The following DPF3 variants were observed in gnomAD, a reference collection of about 807,000 sequenced individuals.
The protein encoded by DPF3 is double PHD fingers 3, also known as zinc finger protein DPF3.
In DPF3, 18 loss-of-function variants were observed where a neutral mutation model predicts 56.8. The ratio of observed to expected loss-of-function variants is 0.32; its 90% CI spans 0.22 to 0.47. The LOEUF (loss-of-function observed/expected upper bound fraction) is 0.47. Ranked by LOEUF, DPF3 falls within the 20% of genes least tolerant of loss-of-function variation. The pLI is 1.00. For synonymous variants in DPF3, 188 were observed against 180.2 expected, an observed-to-expected ratio of 1.04 and a Z score of -0.35; for missense variants, 403 against 488.8, an observed-to-expected ratio of 0.82 and a Z score of 1.65.
At chr14:72,883,647 G>A (rs1181142189) in intron 1 of DPF3, among the ~76,000 whole-genome samples, 1 of 152,100 alleles carries the variant, frequency 6.6e-6, no homozygotes, top group Non-Finnish European at 1.5e-5. Flanking sequence ...AAAGAATCTG[G>A]CCTGGCATGG....
intron 1 of DPF3, among the ~76,000 whole-genome samples, chr14:72,824,210 G>A (rs549476957): frequency 6.6e-6 from 1 of 152,316 alleles, no homozygotes; most frequent in South Asian, 2.1e-4. Context: ...TCTGCCCCAA[G>A]CCCAGCCCCA....
intron 1 of DPF3, among the ~76,000 whole-genome samples, chr14:72,801,548 G>A (rs996930091): frequency 7.9e-5 from 12 of 152,102 alleles, no homozygotes; most frequent in African/African-American, 1.4e-4. Flanking sequence ...ACTGCATATC[G>A]TTCATGCCCC....
At chr14:72,892,358 G>GAA (rs1284228592) in intron 1 of DPF3, 1 of 1,533,094 alleles carries the variant, frequency 6.5e-7, no homozygotes, top group Non-Finnish European at 8.7e-7. Context: ...TTTCTTGGGT[G>GAA]AAACGCTGTG....
intron 6 of DPF3, among the ~76,000 whole-genome samples, chr14:72,703,817 G>T (rs924051368): frequency 2.0e-5 from 3 of 152,162 alleles, no homozygotes; most frequent in Admixed American, 1.3e-4. Flanking sequence ...AGCTATTTTT[G>T]ATCATTCATT....
rs1200788266 is a variant in DPF3, at chr14:72,693,102, G to C, written c.716C>G (p.Pro239Arg). Residue 239 changes from proline to arginine, a missense_variant, in exon 7 of 11, where the codon CCC (proline) becomes CGC (arginine). Coordinates refer to ENST00000556509, the MANE Select transcript of DPF3 (RefSeq NM_001280542.3). ...CCTGTGGTTCTCATTTCTGTGGTTG[G>C]GTGGGGACCGAGTCTCCTGGTCTTG... ...EAQDQETRSP[P>R]NHRNENHRPQ... 1.9e-6 allele frequency: 3 copies of C among 1,613,884 alleles called. No individual in the cohort carries two copies. Among genetic ancestry groups the C allele is most frequent in the Non-Finnish European group, 2.5e-6 (3 of 1,179,912 alleles).
intron 1 of DPF3, among the ~76,000 whole-genome samples, chr14:72,791,944 G>A (rs1892452022): frequency 6.6e-6 from 1 of 152,172 alleles, no homozygotes; most frequent in Non-Finnish European, 1.5e-5. Context: ...ACCCATGGCT[G>A]GGAGGAGATC....
At chr14:72,881,948 A>AG (rs111282039) in intron 1 of DPF3, among the ~76,000 whole-genome samples, 1 of 152,230 alleles carries the variant, frequency 6.6e-6, no homozygotes, top group South Asian at 2.1e-4. Context: ...GGGTAAGTGA[A>AG]GGGGGGGAAG....
chr14:72,739,517 C>CA (rs1428073319), intron 3 of DPF3, among the ~76,000 whole-genome samples: 7 of 152,170 alleles, frequency 4.6e-5, no homozygotes, highest in East Asian at 3.9e-4. Context: ...TGCTTTTCAG[C>CA]AAAAAAACCC....
chr14:72,795,293 A>ATATATATATATAT (rs1317667797), intron 1 of DPF3, among the ~76,000 whole-genome samples: 3 of 108,010 alleles, frequency 2.8e-5, no homozygotes, highest in Non-Finnish European at 3.9e-5. Flanking sequence ...AAAAAAAAAA[A>ATATATATATATAT]AAATATATAT....
At chr14:72,760,699 G>A (rs1891034872) in intron 2 of DPF3, among the ~76,000 whole-genome samples, 1 of 151,846 alleles carries the variant, frequency 6.6e-6, no homozygotes, top group Non-Finnish European at 1.5e-5. Flanking sequence ...CAAAACAAGA[G>A]TTATAGTTAA....
At chr14:72,723,556 T>G in intron 5 of DPF3, 77 bp downstream of exon 5, 2 of 1,200,166 alleles carry the variant, frequency 1.7e-6, no homozygotes, top group South Asian at 3.0e-5. Flanking sequence ...TCCATCTAGC[T>G]GCAGTGGAGA....
At position 72,729,501 on chromosome 14, in the gene DPF3, G is replaced by A. The variant is rs182652705; in HGVS notation, c.429+2306C>T. 1.5e-3 allele frequency among the ~76,000 whole-genome samples: 222 copies of A among 152,194 alleles called. 1 individual carries two copies. Among genetic ancestry groups the A allele is most frequent in the South Asian group, 7.9e-3 (38 of 4,808 alleles). On this transcript the variant is annotated intron_variant, in intron 4 of 10. Transcript: ENST00000556509. ...ACTCTCAGATAGCAGGGGCGGTAGC[G>A]GGTTCTGAGCACAGAAATGATAAGA...
At chr14:72,887,467 C>T (rs897749796) in intron 1 of DPF3, among the ~76,000 whole-genome samples, 1 of 152,144 alleles carries the variant, frequency 6.6e-6, no homozygotes, top group Admixed American at 6.6e-5. Context: ...GAAGGGAGCA[C>T]CATGTAGCAA....
intron 1 of DPF3, chr14:72,879,721 A>G: frequency 5.6e-6 from 8 of 1,440,632 alleles, no homozygotes; most frequent in Non-Finnish European, 7.3e-6. Flanking sequence ...AATGTGTGAC[A>G]AGAGTCGTCT....
At chr14:72,711,188 A>G (rs1888638810) in intron 6 of DPF3, among the ~76,000 whole-genome samples, 1 of 152,256 alleles carries the variant, frequency 6.6e-6, no homozygotes. Context: ...ATTTTCATAA[A>G]TAACTTGAAA....
Position 72,638,819 on chromosome 14 carries a change from A to ATTTTT in DPF3, c.872-9088_872-9084dup, listed in dbSNP as rs71109742. 2.1e-3 allele frequency among the ~76,000 whole-genome samples: 297 copies of ATTTTT among 141,708 alleles called. 5 individuals carry two copies. Among genetic ancestry groups the ATTTTT allele is most frequent in the East Asian group, 8.0e-3 (38 of 4,748 alleles). The allele number at this position is 141,708 out of a possible 152,430, so 93.0% of individuals were successfully genotyped here. On this transcript the variant is annotated intron_variant, in intron 8 of 10. Coordinates refer to ENST00000556509, the MANE Select transcript of DPF3 (RefSeq NM_001280542.3). Reference sequence around the variant, plus strand: ...ATGACACTTAGACACTTTGTTTTACATTTTTTTTTTTTTTTGAGACGGAGT... The same window carrying ATTTTT: ...ATGACACTTAGACACTTTGTTTTACATTTTTTTTTTTTTTTTTTTTGAGACGGAGT...
intron 1 of DPF3, among the ~76,000 whole-genome samples, chr14:72,885,780 A>T (rs1886522190): frequency 6.6e-6 from 1 of 152,214 alleles, no homozygotes; most frequent in Non-Finnish European, 1.5e-5. Context: ...ACTCAAAAAC[A>T]GCCAAAAGGT....
chr14:72,836,930 C>T (rs187072539), intron 1 of DPF3, among the ~76,000 whole-genome samples: 207 of 152,152 alleles, frequency 1.4e-3, no homozygotes, highest in African/African-American at 4.8e-3. Context: ...AGTGCACTGG[C>T]GCAATCTCAG....
chr14:72,780,271 A>C lies in DPF3; in HGVS notation c.33-8378T>G, dbSNP rs565179817. Among the ~76,000 whole-genome samples the C allele has an allele frequency of 7.2e-4, 109 of 152,330 alleles. 2 individuals are homozygous for C. In the South Asian group the frequency reaches 0.023, roughly 32 times the overall value. On this transcript the variant is annotated intron_variant, in intron 1 of 10. Coordinates refer to ENST00000556509, the MANE Select transcript of DPF3 (RefSeq NM_001280542.3). Reference sequence around the variant, plus strand: ...CTTCTTCCAGGAAGGTTCACAGGTTATCTCTACCAGTAGGGTTTGCTCTCT... The same window carrying C: ...CTTCTTCCAGGAAGGTTCACAGGTTCTCTCTACCAGTAGGGTTTGCTCTCT...
Sources: allele counts gnomAD v4.1 joint callset (sites outside exome capture counted in the v4.1 genomes callset), GRCh38; gene constraint gnomAD v4.1.1; transcripts MANE v1.5; gene names NCBI Gene and HGNC (gene_info 2026-07-23, HGNC 2026-07-21).